IQCH: variants seen among roughly 807,000 people sequenced by gnomAD.
The protein encoded by IQCH is IQ domain-containing protein H.
A neutral mutation model predicts 117.0 loss-of-function variants in IQCH; 98 were observed. The ratio of observed to expected loss-of-function variants is 0.84; its 90% CI spans 0.71 to 0.99. The LOEUF is 0.99. Ranked by LOEUF, IQCH falls within the 50% of genes least tolerant of loss-of-function variation. The probability of loss-of-function intolerance (pLI) is 0.00; values close to 1 mark genes in which losing one functional copy is unlikely to be tolerated. For missense variants in IQCH, 1,102 were observed against 1,243.8 expected (o/e 0.89, Z 1.72); for synonymous variants, 412 against 448.2 (o/e 0.92, Z 1.02).
At chr15:67,337,720 A>G (rs1005903127) in intron 5 of IQCH, among the ~76,000 whole-genome samples, 1 of 152,208 alleles carries the variant, frequency 6.6e-6, no homozygotes. Flanking sequence ...AACCATCTCT[A>G]CTGTTCCCTG....
chr15:67,479,775 T>C lies in IQCH; in HGVS notation c.2799+3957T>C, dbSNP rs938680452. On this transcript the variant is annotated intron_variant, in intron 18 of 20. Coordinates refer to ENST00000335894, the MANE Select transcript of IQCH (RefSeq NM_001031715.3). This position sits in a 1 kb window ranked among gnomAD's most constrained non-coding sequence, Gnocchi z 4.6. ...ATTAATAACACATCATTGTCAGTGC[T>C]ACCAAAAGAAGAATCCTCAAAAGTC... 1.3e-5 allele frequency among the ~76,000 whole-genome samples: 2 copies of C among 152,224 alleles called. No homozygotes were observed. The highest frequency in any genetic ancestry group is 4.8e-5 in the African/African-American group (2 of 41,462).
chr15:67,270,964 C>T (rs1440978851), intron 3 of IQCH, among the ~76,000 whole-genome samples: 1 of 152,088 alleles, frequency 6.6e-6, no homozygotes, highest in Non-Finnish European at 1.5e-5. Flanking sequence ...GTTATATCAT[C>T]CTTGTATCCC....
At chr15:67,264,205 C>T (rs1340162503) in intron 3 of IQCH, among the ~76,000 whole-genome samples, 4 of 152,234 alleles carry the variant, frequency 2.6e-5, no homozygotes, top group Non-Finnish European at 4.4e-5. Context: ...CCTGGACCTC[C>T]TTGCAGACAT....
Position 67,385,953 on chromosome 15 carries a change from CATT to C in IQCH, c.1456+941_1456+943del, listed in dbSNP as rs1450798881. ...ACATGATTCATATATATTTCAGCAT[CATT>C]ATTATTTTATAAATGCTATTTGGTA... On this transcript the variant is annotated intron_variant, in intron 11 of 20. Coordinates refer to ENST00000335894, the MANE Select transcript of IQCH (RefSeq NM_001031715.3). The surrounding 1 kb of genome is among the most constrained non-coding windows in gnomAD (Gnocchi z 4.6). Among the ~76,000 whole-genome samples the C allele has an allele frequency of 3.3e-5, 5 of 152,130 alleles. No individual in the cohort carries two copies. Among genetic ancestry groups the C allele is most frequent in the African/African-American group, 1.2e-4 (5 of 41,426 alleles).
chr15:67,312,675 C>A (rs113724651), intron 4 of IQCH, among the ~76,000 whole-genome samples: 1 of 152,248 alleles, frequency 6.6e-6, no homozygotes, highest in Non-Finnish European at 1.5e-5. Flanking sequence ...GAAAATAGAG[C>A]AGCTACGAAA....
Position 67,422,952 on chromosome 15 carries a change from T to C in IQCH, c.2505+1375T>C, listed in dbSNP as rs2081787329. Among the ~76,000 whole-genome samples the C allele has an allele frequency of 6.6e-6, 1 of 152,222 alleles. No individual in the cohort carries two copies. The highest frequency in any genetic ancestry group is 2.4e-5 in the African/African-American group (1 of 41,442). On this transcript the variant is annotated intron_variant, in intron 16 of 20. Transcript: ENST00000335894. This position sits in a 1 kb window ranked among gnomAD's most constrained non-coding sequence, Gnocchi z 4.7. ...GGTCATCCGCATTGTACATATACTT[T>C]GGTTGTTTTAGGATCATTATTCTCA... is the stretch of plus-strand genomic sequence containing the variant.
chr15:67,423,274 A>G (rs1021824790), intron 16 of IQCH, among the ~76,000 whole-genome samples: 1 of 152,136 alleles, frequency 6.6e-6, no homozygotes, highest in Non-Finnish European at 1.5e-5. Context: ...TATTTGTTGT[A>G]AGAAAGATTG....
intron 4 of IQCH, 76 bp from the exon 5 acceptor site, chr15:67,336,899 A>C (rs146404665): frequency 2.8e-6 from 4 of 1,429,296 alleles, no homozygotes; most frequent in Non-Finnish European, 3.9e-6. Context: ...TCATAACTTT[A>C]TTTATTGTTT....
chr15:67,345,771 A>G (rs1232979173), intron 6 of IQCH, among the ~76,000 whole-genome samples: 1 of 152,246 alleles, frequency 6.6e-6, no homozygotes, highest in Non-Finnish European at 1.5e-5. Flanking sequence ...CTGGAACAGT[A>G]AGAAGACAAG....
chr15:67,337,209 C>T, intron 5 of IQCH, 114 bp downstream of exon 5: 1 of 1,218,012 alleles, frequency 8.2e-7, no homozygotes, highest in Admixed American at 2.1e-5. Context: ...TCCTGGGTGG[C>T]CTCAGACAAG....
At chr15:67,287,141 A>G (rs909152953) in intron 4 of IQCH, among the ~76,000 whole-genome samples, 5 of 152,194 alleles carry the variant, frequency 3.3e-5, no homozygotes, top group African/African-American at 1.2e-4. Context: ...ATGATGAATT[A>G]TCTTCTTAAT....
chr15:67,345,110 C>T (rs1449947873), intron 6 of IQCH, among the ~76,000 whole-genome samples: 1 of 152,178 alleles, frequency 6.6e-6, no homozygotes, highest in Non-Finnish European at 1.5e-5. Flanking sequence ...CTGCCTCAGC[C>T]TCCCAAGTAC....
At chr15:67,461,761 C>T (rs1378225395) in intron 16 of IQCH, among the ~76,000 whole-genome samples, 1 of 152,132 alleles carries the variant, frequency 6.6e-6, no homozygotes, top group Non-Finnish European at 1.5e-5. Context: ...GTGTCTTCAT[C>T]TGTAAAATGG....
intron 18 of IQCH, among the ~76,000 whole-genome samples, chr15:67,487,644 A>T (rs1241351570): frequency 6.6e-6 from 1 of 152,130 alleles, no homozygotes; most frequent in South Asian, 2.1e-4. Context: ...CCCGAGACCA[A>T]GTAAATCAGC....
chr15:67,455,132 A>C (rs530957105), intron 16 of IQCH, among the ~76,000 whole-genome samples: 231 of 152,244 alleles, frequency 1.5e-3, no homozygotes, highest in Non-Finnish European at 2.3e-3. Context: ...TGTGTTTTCA[A>C]GGAAGATTTT....
At chr15:67,418,381 G>A (rs1000412461) in intron 15 of IQCH, among the ~76,000 whole-genome samples, 2 of 152,038 alleles carry the variant, frequency 1.3e-5, no homozygotes, top group African/African-American at 4.8e-5. Flanking sequence ...GCAGGGGACA[G>A]TTGTGCTAGA....
At chr15:67,449,866 G>A (rs1003848882) in intron 16 of IQCH, among the ~76,000 whole-genome samples, 34 of 152,284 alleles carry the variant, frequency 2.2e-4, no homozygotes, top group Admixed American at 3.9e-4. Context: ...AGCATGGAAT[G>A]TTCTTCCATT....
chr15:67,448,229 A>T (rs917159636), intron 16 of IQCH, among the ~76,000 whole-genome samples: 4 of 151,840 alleles, frequency 2.6e-5, no homozygotes, highest in Admixed American at 2.6e-4. Context: ...ACTTTTTAAA[A>T]TTTTATTATT....
In IQCH at chr15:67,401,232, C is replaced by T. The variant is rs769510585; in HGVS notation, c.2097+927C>T. Among the ~76,000 whole-genome samples the T allele has an allele frequency of 4.6e-5, 7 of 152,124 alleles. No homozygotes were observed. The highest frequency in any genetic ancestry group is 1.0e-4 in the Non-Finnish European group (7 of 68,016). On this transcript the variant is annotated intron_variant, in intron 14 of 20. Transcript: ENST00000335894. The surrounding 1 kb of genome is among the most constrained non-coding windows in gnomAD (Gnocchi z 4.7). ...CATGCACATTTGTGAAGGGATGAAT[C>T]GTACAACCTTTTAGTCCCTTCCAAA... is the stretch of plus-strand genomic sequence containing the variant.
Sources: gnomAD v4.1 joint callset for allele counts (sites outside exome capture counted in the v4.1 genomes callset) on GRCh38, gnomAD v4.1.1 for gene constraint, Gnocchi (gnomAD v3.1) non-coding constraint, MANE v1.5 for transcripts, NCBI Gene and HGNC (gene_info 2026-07-23, HGNC 2026-07-21) for gene names.